Variants in FBXL18 observed in about 807,000 individuals in gnomAD.
The protein encoded by FBXL18 is F-box and leucine rich repeat protein 18.
Under a neutral mutation model 46.0 loss-of-function variants are expected in FBXL18, and 36 were observed. The observed-to-expected ratio is 0.78, with a 90% CI of 0.60 to 1.03. The LOEUF (loss-of-function observed/expected upper bound fraction) is 1.03, where lower values mean the gene tolerates loss of function less well. FBXL18 is among the 50% of genes least tolerant of loss of function. The pLI is 0.00. For synonymous variants in FBXL18, 557 were observed against 465.3 expected (o/e 1.20, Z -2.54); for missense variants, 977 against 1,004.1 (o/e 0.97, Z 0.36).
At chr7:5,503,437 T>C (rs764655682) in intron 2 of FBXL18, among the ~76,000 whole-genome samples, 1 of 152,104 alleles carries the variant, frequency 6.6e-6, no homozygotes, top group Non-Finnish European at 1.5e-5. Flanking sequence ...ACTGCAGCCT[T>C]GATGTCCCGG....
chr7:5,510,114 CA>C (rs1784492106), intron 1 of FBXL18, among the ~76,000 whole-genome samples: 1 of 151,508 alleles, frequency 6.6e-6, no homozygotes, highest in South Asian at 2.1e-4. Flanking sequence ...CTAGCCTGGC[CA>C]ACATGGTGAA....
chr7:5,463,225 TGAG>T (rs1306542326), intron 4 of FBXL18, among the ~76,000 whole-genome samples: 2 of 151,644 alleles, frequency 1.3e-5, no homozygotes, highest in South Asian at 2.1e-4. Context: ...GTGCAGCTGC[TGAG>T]GAGAACAGGT....
intron 4 of FBXL18, among the ~76,000 whole-genome samples, chr7:5,454,832 T>G (rs1783150062): frequency 6.6e-6 from 1 of 152,054 alleles, no homozygotes; most frequent in African/African-American, 2.4e-5. Flanking sequence ...ATAAGACGCC[T>G]CCCCCACTGC....
At position 5,513,671 on chromosome 7, in the gene FBXL18, C is replaced by A; in HGVS notation, c.4G>T (p.Ala2Ser). Residue 2 changes from alanine to serine, a missense_variant, in exon 1 of 5, where the codon GCC (alanine) becomes TCC (serine). Transcript: ENST00000382368. ...GCGGACAGTACCTCTCCGGAGCTGG[C>A]CATGTCGCCGGCGGGTCCGAACCGC... M[A>S]SSGEDISNDD... is the part of the protein sequence containing the mutation. The A allele has an allele frequency of 6.2e-7, 1 of 1,609,290 alleles. No individual in the cohort carries two copies. The highest frequency in any genetic ancestry group is 1.1e-5 in the South Asian group (1 of 90,418).
At chr7:5,497,682 C>T (rs1453952552) in intron 3 of FBXL18, among the ~76,000 whole-genome samples, 2 of 152,190 alleles carry the variant, frequency 1.3e-5, no homozygotes, top group Non-Finnish European at 2.9e-5. Flanking sequence ...GCGCCCTTAT[C>T]TCTACTCTGC....
rs1784245888 is a variant in FBXL18, at chr7:5,501,298, C to T, written c.971G>A (p.Cys324Tyr). The change falls in exon 3 of 5, where the codon TGT (cysteine) becomes TAT (tyrosine). Residue 324 changes from cysteine to tyrosine, a missense_variant. By Grantham distance (194) the Cys-to-Tyr change is radical. Coordinates refer to ENST00000382368, the MANE Select transcript of FBXL18 (RefSeq NM_024963.6). ...NNPFYFSFSR[C>Y]TLSGGHLIQQ... ...GATCAGATGGCCGCCTGACAGGGTA[C>T]AGCGGCTGAAACTGAAGTAGAACGG... 6.2e-7 allele frequency: 1 copy of T among 1,614,066 alleles called. No individual in the cohort carries two copies. The highest frequency in any genetic ancestry group is 1.3e-5 in the African/African-American group (1 of 74,950).
chr7:5,500,992 G>C lies in FBXL18; in HGVS notation c.1277C>G (p.Ala426Gly), dbSNP rs1429207496. 1 of 1,575,566 alleles carries C rather than the reference G, an allele frequency of 6.3e-7. No homozygotes were observed. Among genetic ancestry groups the C allele is most frequent in the Non-Finnish European group, 8.6e-7 (1 of 1,165,092 alleles). ...RSLSLPVCSV[A>G]DSAPRADRAP... is the part of the protein sequence containing the mutation. The stretch of plus-strand genomic sequence containing the variant: ...GCGGTCGGCGCGCGGCGCGGAGTCA[G>C]CGACAGAGCAGACAGGCAGGGAGAG... The change falls in exon 3 of 5, where the codon GCT becomes GGT. Residue 426 changes from alanine to glycine, a missense_variant. By Grantham distance (60) the Ala-to-Gly change is moderately conservative. Coordinates refer to ENST00000382368, the MANE Select transcript of FBXL18 (RefSeq NM_024963.6).
chr7:5,470,036 T>C (rs1486242468), intron 4 of FBXL18, among the ~76,000 whole-genome samples: 7 of 151,812 alleles, frequency 4.6e-5, no homozygotes, highest in Non-Finnish European at 7.4e-5. Context: ...CGTGGGGCCG[T>C]TGGACGAGTG....
At chr7:5,486,630 G>T (rs1783783871) in intron 4 of FBXL18, among the ~76,000 whole-genome samples, 1 of 152,238 alleles carries the variant, frequency 6.6e-6, no homozygotes, top group South Asian at 2.1e-4. Flanking sequence ...TCCAGCCTGG[G>T]CAACAGAGAG....
rs1342728566 is a variant in FBXL18 at position 5,505,438 on chromosome 7, T to C, written c.211A>G (p.Thr71Ala). 1 of 1,613,948 alleles carries C rather than the reference T, an allele frequency of 6.2e-7. No individual in the cohort carries two copies. Among genetic ancestry groups the C allele is most frequent in the Non-Finnish European group, 8.5e-7 (1 of 1,180,022 alleles). ...TGATAGTCCTTTTGCAGCAACACGGTGTGGATGAGGCTCTTGTCAAGGCAC... is the reference window on the plus strand; with the variant it reads ...TGATAGTCCTTTTGCAGCAACACGGCGTGGATGAGGCTCTTGTCAAGGCAC... ...ALCLDKSLIH[T>A]VLLQKDYQAS... Residue 71 changes from threonine (T) to alanine (A), a missense_variant, in exon 2 of 5, where the codon ACC becomes GCC. Coordinates refer to ENST00000382368, the MANE Select transcript of FBXL18 (RefSeq NM_024963.6).
intron 4 of FBXL18, among the ~76,000 whole-genome samples, chr7:5,465,002 G>T (rs1783322019): frequency 6.6e-6 from 1 of 152,114 alleles, no homozygotes; most frequent in South Asian, 2.1e-4. Context: ...GATGGAGGTT[G>T]CAGTGAGCCG....
chr7:5,485,705 C>T (rs368045132), intron 4 of FBXL18, among the ~76,000 whole-genome samples: 3 of 151,964 alleles, frequency 2.0e-5, no homozygotes, highest in Admixed American at 2.0e-4. Context: ...GTCGGGAGTT[C>T]GAGACCAGCC....
intron 2 of FBXL18, among the ~76,000 whole-genome samples, chr7:5,503,648 C>G (rs1411478541): frequency 6.6e-6 from 1 of 151,938 alleles, no homozygotes; most frequent in Admixed American, 6.6e-5. Flanking sequence ...GCATGAGCCA[C>G]CAGACCCGGC....
At chr7:5,473,181 G>C (rs951512436), downstream of FBXL18, among the ~76,000 whole-genome samples, 6 of 152,084 alleles carry the variant, frequency 3.9e-5, no homozygotes, top group African/African-American at 1.4e-4. Context: ...GGGCAGGATG[G>C]GAGGCTCCTG....
chr7:5,461,393 G>T (rs1436403965), intron 4 of FBXL18, among the ~76,000 whole-genome samples: 1 of 151,914 alleles, frequency 6.6e-6, no homozygotes, highest in East Asian at 1.9e-4. Flanking sequence ...ATACTCGGTT[G>T]ATACAAAAGT....
chr7:5,486,650 C>T (rs1279868969), intron 4 of FBXL18, among the ~76,000 whole-genome samples: 3 of 152,052 alleles, frequency 2.0e-5, no homozygotes, highest in African/African-American at 7.2e-5. Flanking sequence ...GAGACCCTGT[C>T]TCTAAAAAAA....
chr7:5,491,465 G>C lies in FBXL18; in HGVS notation c.1782-16C>G, dbSNP rs1441296082. The C allele has an allele frequency of 6.4e-7, 1 of 1,554,580 alleles. No homozygotes were observed. Among genetic ancestry groups the C allele is most frequent in the East Asian group, 2.3e-5 (1 of 43,048 alleles). ...CTGCTCCAGCCTGCGGGGAGAGAGGGCAGCTGTGAGGTCCGAGGGAGGGGC... is the reference window on the plus strand; with the variant it reads ...CTGCTCCAGCCTGCGGGGAGAGAGGCCAGCTGTGAGGTCCGAGGGAGGGGC... On this transcript the variant is annotated splice_polypyrimidine_tract_variant and intron_variant, in intron 3 of 4. Transcript: ENST00000382368.
chr7:5,481,912 C>T lies in FBXL18; in HGVS notation c.2020G>A (p.Ala674Thr), dbSNP rs750709622. The change falls in exon 5 of 5, where the codon GCG becomes ACG. Residue 674 changes from alanine to threonine, a missense_variant. Transcript: ENST00000382368. ...LLRSFQAERP[A>T]LNVVIFPLLH... Reference sequence around the variant, plus strand: ...AGAGGGAAGATGACGACGTTTAACGCGGGCCGCTCGGCCTGGAAGCTGAAC... The same window carrying T: ...AGAGGGAAGATGACGACGTTTAACGTGGGCCGCTCGGCCTGGAAGCTGAAC... 63 of 1,608,192 alleles carry T rather than the reference C, an allele frequency of 3.9e-5. No individual in the cohort carries two copies. Among genetic ancestry groups the T allele is most frequent in the Non-Finnish European group, 5.0e-5 (59 of 1,176,996 alleles).
chr7:5,487,623 G>C (rs1008131897), intron 4 of FBXL18, among the ~76,000 whole-genome samples: 1 of 152,216 alleles, frequency 6.6e-6, no homozygotes, highest in African/African-American at 2.4e-5. Flanking sequence ...CCATCTGTAA[G>C]CTGGGGCTGA....
Sources: allele counts gnomAD v4.1 joint callset (sites outside exome capture counted in the v4.1 genomes callset), GRCh38; gene constraint gnomAD v4.1.1; transcripts MANE v1.5; gene names NCBI Gene and HGNC (gene_info 2026-07-23, HGNC 2026-07-21).